The following CYP7B1 variants were observed in gnomAD, a reference collection of about 807,000 sequenced individuals.
CYP7B1 encodes cytochrome P450 7B1.
CYP7B1 carries 29 observed loss-of-function variants against 42.7 expected under a neutral mutation model. That is an observed-to-expected ratio of 0.68 (90% confidence interval 0.51 to 0.93). The LOEUF (loss-of-function observed/expected upper bound fraction) is 0.93. Ranked by LOEUF, CYP7B1 falls within the 40% of genes least tolerant of loss-of-function variation. The probability of loss-of-function intolerance (pLI) is 0.00; values close to 1 mark genes in which losing one functional copy is unlikely to be tolerated. For synonymous variants in CYP7B1, 235 were observed against 218.2 expected (o/e 1.08, Z -0.68); for missense variants, 655 against 600.5 (o/e 1.09, Z -0.95).
chr8:64,789,360 G>A (rs1174651562), intron 1 of CYP7B1, among the ~76,000 whole-genome samples: 1 of 152,110 alleles, frequency 6.6e-6, no homozygotes, highest in East Asian at 1.9e-4. Flanking sequence ...TGTCAATCAT[G>A]AGAAATTTTG....
chr8:64,613,885 T>C (rs1417447012), intron 4 of CYP7B1, among the ~76,000 whole-genome samples: 1 of 152,114 alleles, frequency 6.6e-6, no homozygotes, highest in Non-Finnish European at 1.5e-5. Flanking sequence ...AGGGTGAACA[T>C]TGACCAAACC....
At chr8:64,597,920 G>T (rs1428551561) in intron 5 of CYP7B1, among the ~76,000 whole-genome samples, 4 of 152,152 alleles carry the variant, frequency 2.6e-5, no homozygotes, top group Non-Finnish European at 5.9e-5. Flanking sequence ...AAAAAAGTAG[G>T]TCAGATCCAA....
At chr8:64,720,125 A>G (rs1375737995) in intron 1 of CYP7B1, among the ~76,000 whole-genome samples, 2 of 152,220 alleles carry the variant, frequency 1.3e-5, no homozygotes, top group African/African-American at 2.4e-5. Flanking sequence ...TATTTGTAGA[A>G]AAACACTGAA....
rs62519846 is a variant in CYP7B1 at position 64,611,035 on chromosome 8, A to C, written c.1057+3991T>G. Among the ~76,000 whole-genome samples, 658 of 152,284 alleles carry C rather than the reference A, an allele frequency of 4.3e-3. 4 individuals are homozygous for C. The highest frequency in any genetic ancestry group is 5.2e-3 in the Non-Finnish European group (351 of 68,012). ...TTAATATTATCATTCATAATATCTT[A>C]TCCTGAAGCTAAAAATTCAGCCAAC... On this transcript the variant is annotated intron_variant, in intron 4 of 5. Coordinates refer to ENST00000310193, the MANE Select transcript of CYP7B1 (RefSeq NM_004820.5).
intron 1 of CYP7B1, among the ~76,000 whole-genome samples, chr8:64,749,782 T>C (rs913545039): frequency 6.6e-6 from 1 of 152,156 alleles, no homozygotes; most frequent in Non-Finnish European, 1.5e-5. Flanking sequence ...ATATATTTAA[T>C]CAACTTCCAT....
At chr8:64,738,435 T>C (rs1807521954) in intron 1 of CYP7B1, among the ~76,000 whole-genome samples, 1 of 152,174 alleles carries the variant, frequency 6.6e-6, no homozygotes, top group Non-Finnish European at 1.5e-5. Context: ...CACAGAATCG[T>C]TGGCAAATCA....
intron 1 of CYP7B1, among the ~76,000 whole-genome samples, chr8:64,643,110 C>CAT (rs1337560095): frequency 1.5e-5 from 2 of 133,744 alleles, no homozygotes; most frequent in South Asian, 5.1e-4. Context: ...CATATATATA[C>CAT]ATATATATAC....
At chr8:64,741,049 A>G (rs1312803075) in intron 1 of CYP7B1, among the ~76,000 whole-genome samples, 1 of 151,988 alleles carries the variant, frequency 6.6e-6, no homozygotes, top group East Asian at 1.9e-4. Context: ...TGACAGACCA[A>G]TGTGGTTTTA....
At chr8:64,626,926 G>T (rs1168426215) in intron 1 of CYP7B1, among the ~76,000 whole-genome samples, 1 of 152,206 alleles carries the variant, frequency 6.6e-6, no homozygotes, top group East Asian at 1.9e-4. Flanking sequence ...GGACTTTTAT[G>T]TAGCTAGATT....
intron 1 of CYP7B1, among the ~76,000 whole-genome samples, chr8:64,758,708 T>C (rs1473470665): frequency 6.6e-6 from 1 of 152,160 alleles, no homozygotes; most frequent in Admixed American, 6.5e-5. Context: ...TCAACCTCTA[T>C]CTTAAGATGT....
At chr8:64,718,128 T>C (rs1265105430) in intron 1 of CYP7B1, among the ~76,000 whole-genome samples, 1 of 151,978 alleles carries the variant, frequency 6.6e-6, no homozygotes, top group Non-Finnish European at 1.5e-5. Context: ...GTATATGGCA[T>C]TTCAAAGGTC....
In CYP7B1 at chr8:64,761,593, G is replaced by C. The variant is rs577466665; in HGVS notation, c.122+36873C>G. Among the ~76,000 whole-genome samples the C allele has an allele frequency of 2.0e-5, 3 of 152,180 alleles. No individual in the cohort carries two copies. In the East Asian group the frequency reaches 5.8e-4, roughly 29 times the overall value. ...TAAGTACAGATTTGTCACTAGGAAAGAAATGACTGGAAATTATCAAACTAG... is the reference window on the plus strand; with the variant it reads ...TAAGTACAGATTTGTCACTAGGAAACAAATGACTGGAAATTATCAAACTAG... On this transcript the variant is annotated intron_variant, in intron 1 of 5. Transcript: ENST00000310193.
At chr8:64,791,161 C>T (rs1488182687) in intron 1 of CYP7B1, among the ~76,000 whole-genome samples, 2 of 152,136 alleles carry the variant, frequency 1.3e-5, no homozygotes, top group East Asian at 3.8e-4. Flanking sequence ...GGATATGAGA[C>T]AATAAATTTC....
intron 1 of CYP7B1, among the ~76,000 whole-genome samples, chr8:64,729,278 T>G (rs772882506): frequency 6.6e-6 from 1 of 152,228 alleles, no homozygotes; most frequent in Non-Finnish European, 1.5e-5. Flanking sequence ...AATCTAGGAC[T>G]TTCTATCCTT....
intron 1 of CYP7B1, among the ~76,000 whole-genome samples, chr8:64,667,622 T>C (rs1806301328): frequency 6.6e-6 from 1 of 152,164 alleles, no homozygotes; most frequent in South Asian, 2.1e-4. Context: ...GCTCACCAAA[T>C]GACAAAAGAT....
In CYP7B1 at chr8:64,594,111, G is replaced by C. The variant is rs898966884; in HGVS notation, c.*2531C>G. ...TATCATGGACTAAATGTGTGTATGT[G>C]GGGGGTGGGTGGTGGGGCTTGGGGA... On this transcript the variant is annotated 3_prime_UTR_variant, in exon 6 of 6. Transcript: ENST00000310193. Among the ~76,000 whole-genome samples, 1 of 152,086 alleles carries C rather than the reference G, an allele frequency of 6.6e-6. No individual in the cohort carries two copies. Among genetic ancestry groups the C allele is most frequent in the Non-Finnish European group, 1.5e-5 (1 of 68,002 alleles).
intron 5 of CYP7B1, among the ~76,000 whole-genome samples, chr8:64,597,728 C>G (rs984798388): frequency 1.3e-5 from 2 of 152,186 alleles, no homozygotes; most frequent in African/African-American, 2.4e-5. Context: ...TGGTTCAACT[C>G]TCACTTGAAT....
intron 1 of CYP7B1, among the ~76,000 whole-genome samples, chr8:64,789,512 C>A (rs574208804): frequency 3.3e-5 from 5 of 152,174 alleles, no homozygotes; most frequent in African/African-American, 1.2e-4. Flanking sequence ...TACAAGCAAG[C>A]CTTTGCACTC....
intron 1 of CYP7B1, among the ~76,000 whole-genome samples, chr8:64,727,423 T>C (rs1807340327): frequency 6.6e-6 from 1 of 152,200 alleles, no homozygotes; most frequent in African/African-American, 2.4e-5. Context: ...AATGTATATA[T>C]AGTCAATGAG....
Sources: allele counts gnomAD v4.1 joint callset (sites outside exome capture counted in the v4.1 genomes callset), GRCh38; gene constraint gnomAD v4.1.1; transcripts MANE v1.5; gene names NCBI Gene and HGNC (gene_info 2026-07-23, HGNC 2026-07-21).